CACNA2D3: variants seen among roughly 807,000 people sequenced by gnomAD.
CACNA2D3 encodes the protein calcium voltage-gated channel auxiliary subunit alpha2delta 3.
In CACNA2D3, 60 loss-of-function variants were observed where a neutral mutation model predicts 160.6. The observed-to-expected ratio is 0.37, with a 90% CI of 0.30 to 0.46. CACNA2D3 has a LOEUF of 0.46. CACNA2D3 is among the 20% of genes least tolerant of loss of function. The pLI is 1.00. For synonymous variants in CACNA2D3, 558 were observed against 492.9 expected, an observed-to-expected ratio of 1.13 and a Z score of -1.75; for missense variants, 1,205 against 1,365.0, an observed-to-expected ratio of 0.88 and a Z score of 1.85.
At chr3:54,192,159 C>A (rs1264746373) in intron 2 of CACNA2D3, among the ~76,000 whole-genome samples, 1 of 149,596 alleles carries the variant, frequency 6.7e-6, no homozygotes, top group Non-Finnish European at 1.5e-5. Context: ...CCAAGTGAAT[C>A]AAGAGTGGGT....
intron 11 of CACNA2D3, among the ~76,000 whole-genome samples, chr3:54,728,837 T>G (rs1214122378): frequency 6.6e-6 from 1 of 152,242 alleles, no homozygotes; most frequent in East Asian, 1.9e-4. Context: ...AGGGCTTAAC[T>G]TTAAATTTTG....
rs533596688 is a variant in CACNA2D3 at position 54,918,332 on chromosome 3, C to CTTTTTTTTTTTTTTTTTTTT, written c.2449+18468_2449+18487dup. 2.6e-4 allele frequency: 59 copies of CTTTTTTTTTTTTTTTTTTTT among 228,022 alleles called. 8 individuals carry two copies. The highest frequency in any genetic ancestry group is 3.5e-4 in the Non-Finnish European group (44 of 126,154). The allele number at this position is 228,022 out of a possible 1,614,324, so 14.1% of individuals were successfully genotyped here. The stretch of plus-strand genomic sequence containing the variant: ...TTTTACAGACACATCTTTTTTTTTT[C>CTTTTTTTTTTTTTTTTTTTT]TTTTTTTTTTTTTTTTTTTTTTTGT... On this transcript the variant is annotated intron_variant, in intron 27 of 37. Transcript: ENST00000474759.
chr3:54,226,923 C>T (rs1278852503), intron 2 of CACNA2D3, among the ~76,000 whole-genome samples: 1 of 152,148 alleles, frequency 6.6e-6, no homozygotes, highest in Non-Finnish European at 1.5e-5. Context: ...TAATTGTTCT[C>T]AGTAGGAGTG....
chr3:55,054,086 A>G (rs1273685751), intron 35 of CACNA2D3, among the ~76,000 whole-genome samples: 1 of 151,274 alleles, frequency 6.6e-6, no homozygotes, highest in Non-Finnish European at 1.5e-5. Context: ...ACTAAGGTTT[A>G]CAGTATACAT....
chr3:54,956,896 T>C (rs1359030556), intron 27 of CACNA2D3, among the ~76,000 whole-genome samples: 1 of 152,014 alleles, frequency 6.6e-6, no homozygotes, highest in East Asian at 1.9e-4. Context: ...TAGGGAAACC[T>C]CTTTGCCTTT....
At chr3:54,651,739 C>T (rs1196781878) in intron 11 of CACNA2D3, among the ~76,000 whole-genome samples, 1 of 152,094 alleles carries the variant, frequency 6.6e-6, no homozygotes, top group East Asian at 1.9e-4. Context: ...GCCAGCCTTG[C>T]CCCAGTGGCC....
At chr3:54,267,091 C>T (rs530053707) in intron 2 of CACNA2D3, among the ~76,000 whole-genome samples, 30 of 152,046 alleles carry the variant, frequency 2.0e-4, no homozygotes, top group Admixed American at 1.5e-3. Context: ...GAAAAAAATA[C>T]GAGTTTTATT....
chr3:54,545,068 CTGTGT>C (rs1280694268), intron 5 of CACNA2D3, among the ~76,000 whole-genome samples: 1 of 152,172 alleles, frequency 6.6e-6, no homozygotes, highest in Admixed American at 6.5e-5. Context: ...GTGTGATGTG[CTGTGT>C]ACTTCTGGCC....
At chr3:54,562,201 G>C (rs1702336673) in intron 5 of CACNA2D3, among the ~76,000 whole-genome samples, 1 of 152,182 alleles carries the variant, frequency 6.6e-6, no homozygotes, top group Admixed American at 6.5e-5. Flanking sequence ...CTTCTGCCAT[G>C]TGCTGGTCAA....
intron 10 of CACNA2D3, chr3:54,638,763 T>A (rs1051764643): frequency 1.3e-5 from 2 of 151,912 alleles, no homozygotes; most frequent in African/African-American, 4.9e-5. Context: ...TATTTAGATC[T>A]TGTAGGGTGG....
chr3:54,202,206 A>G (rs563791835), intron 2 of CACNA2D3, among the ~76,000 whole-genome samples: 35 of 152,332 alleles, frequency 2.3e-4, no homozygotes, highest in African/African-American at 7.7e-4. Context: ...TAGTCATGTG[A>G]CTGCACTTGG....
In CACNA2D3 at chr3:54,891,399, C is replaced by G. The variant is rs112362995; in HGVS notation, c.2195C>G (p.Thr732Arg). ...GVEVAFLGTR[T>R]GLSRINLFVG... Reference sequence around the variant, plus strand: ...GAGGTTGCCTTCCTCGGCACTCGCACGGGCCTCTCCAGAATCAACCTGTTT... The same window carrying G: ...GAGGTTGCCTTCCTCGGCACTCGCAGGGGCCTCTCCAGAATCAACCTGTTT... Residue 732 changes from threonine (T) to arginine (R), a missense_variant, in exon 25 of 38, where the codon ACG (threonine) becomes AGG (arginine). Physicochemically the swap from Thr to Arg is moderately conservative, Grantham distance 71 (BLOSUM62 -1). Coordinates refer to ENST00000474759, the MANE Select transcript of CACNA2D3 (RefSeq NM_018398.3). 1 of 1,613,916 alleles carries G rather than the reference C, an allele frequency of 6.2e-7. No homozygotes were observed.
At chr3:54,559,913 G>A (rs1702299323) in intron 5 of CACNA2D3, among the ~76,000 whole-genome samples, 1 of 152,184 alleles carries the variant, frequency 6.6e-6, no homozygotes. Context: ...TGTTCCTGCA[G>A]AGGACATGGT....
chr3:54,653,565 C>T (rs1699816387), intron 11 of CACNA2D3, among the ~76,000 whole-genome samples: 1 of 152,182 alleles, frequency 6.6e-6, no homozygotes, highest in East Asian at 1.9e-4. Flanking sequence ...CACGCAGGCC[C>T]TCCCTGCAGC....
At chr3:55,015,039 A>G (rs1703299673) in intron 34 of CACNA2D3, among the ~76,000 whole-genome samples, 1 of 152,220 alleles carries the variant, frequency 6.6e-6, no homozygotes, top group Non-Finnish European at 1.5e-5. Context: ...AAAGAATTTC[A>G]TCTCCAGAAA....
intron 12 of CACNA2D3, 88 bp downstream of exon 12, chr3:54,752,765 A>C: frequency 1.1e-6 from 1 of 928,090 alleles, no homozygotes. Context: ...GAGAGTTCTA[A>C]TAATTCTAAG....
At chr3:54,408,702 A>C (rs541874297) in intron 4 of CACNA2D3, among the ~76,000 whole-genome samples, 2 of 152,336 alleles carry the variant, frequency 1.3e-5, no homozygotes, top group African/African-American at 4.8e-5. Context: ...AATAAGAGCC[A>C]AGTCAATCTA....
At chr3:54,687,135 G>GTTT (rs1290353261) in intron 11 of CACNA2D3, among the ~76,000 whole-genome samples, 26 of 88,896 alleles carry the variant, frequency 2.9e-4, no homozygotes, top group East Asian at 6.5e-4. Context: ...TTTTTTTTTT[G>GTTT]TTTTTTTTTT....
intron 29 of CACNA2D3, among the ~76,000 whole-genome samples, chr3:54,975,449 G>A (rs1173969273): frequency 1.3e-5 from 2 of 149,788 alleles, no homozygotes; most frequent in Non-Finnish European, 3.0e-5. Context: ...AACCTGGGAG[G>A]CAGAGGTTGC....
Sources: gnomAD v4.1 joint callset for allele counts (sites outside exome capture counted in the v4.1 genomes callset) on GRCh38, gnomAD v4.1.1 for gene constraint, MANE v1.5 for transcripts, NCBI Gene and HGNC (gene_info 2026-07-23, HGNC 2026-07-21) for gene names.